Variants in MEI4 observed in about 807,000 individuals in gnomAD.
MEI4 encodes the protein meiosis-specific protein MEI4.
Under a neutral mutation model 31.4 loss-of-function variants are expected in MEI4, and 27 were observed. The ratio of observed to expected loss-of-function variants is 0.86; its 90% CI spans 0.63 to 1.19. MEI4 has a LOEUF of 1.19. Among genes scored for constraint, MEI4 ranks in the 50% most tolerant of loss-of-function variants. The pLI is 0.00. For synonymous variants in MEI4, 122 were observed against 145.4 expected (o/e 0.84, Z 1.16); for missense variants, 329 against 398.9 (o/e 0.82, Z 1.49).
chr6:77,838,845 G>A (rs1438097949), intron 4 of MEI4, among the ~76,000 whole-genome samples: 3 of 151,786 alleles, frequency 2.0e-5, no homozygotes, highest in Non-Finnish European at 4.4e-5. Flanking sequence ...AGAGGTTGCT[G>A]TGAACTGAGA....
intron 3 of MEI4, among the ~76,000 whole-genome samples, chr6:77,801,602 C>T (rs551706685): frequency 6.6e-5 from 10 of 152,212 alleles, no homozygotes; most frequent in South Asian, 2.1e-4. Context: ...TTAGATCTTT[C>T]CTGCTTTCTC....
chr6:77,911,406 A>G (rs1766431507), intron 4 of MEI4, among the ~76,000 whole-genome samples: 1 of 151,884 alleles, frequency 6.6e-6, no homozygotes, highest in Admixed American at 6.6e-5. Flanking sequence ...CTTTTCACTG[A>G]GGTAGTGAGC....
chr6:77,919,953 A>G (rs1444498848), intron 4 of MEI4, among the ~76,000 whole-genome samples: 1 of 148,172 alleles, frequency 6.7e-6, no homozygotes, highest in Non-Finnish European at 1.5e-5. Context: ...AACCAGGAAG[A>G]AGTTGAATCT....
chr6:77,811,561 A>G (rs1327452727), intron 3 of MEI4, among the ~76,000 whole-genome samples: 1 of 152,052 alleles, frequency 6.6e-6, no homozygotes, highest in Non-Finnish European at 1.5e-5. Flanking sequence ...ATGGATCACA[A>G]GGTCAAGAGA....
intron 4 of MEI4, among the ~76,000 whole-genome samples, chr6:77,874,696 G>A (rs1236375943): frequency 4.6e-5 from 7 of 152,058 alleles, no homozygotes; most frequent in Non-Finnish European, 5.9e-5. Context: ...TTTTCAAAGG[G>A]AATGCTTCCA....
intron 2 of MEI4, among the ~76,000 whole-genome samples, chr6:77,737,742 A>C (rs946547616): frequency 1.3e-5 from 2 of 152,172 alleles, no homozygotes; most frequent in Non-Finnish European, 2.9e-5. Flanking sequence ...CAAGGAAAGA[A>C]GGGAGAGATA....
intron 2 of MEI4, among the ~76,000 whole-genome samples, chr6:77,695,565 G>T (rs1766008863): frequency 6.6e-6 from 1 of 152,196 alleles, no homozygotes; most frequent in Admixed American, 6.5e-5. Context: ...TCAAAGATCA[G>T]ATAGTTGTAG....
At chr6:77,822,612 ACC>A (rs80176320) in intron 3 of MEI4, among the ~76,000 whole-genome samples, 105,990 of 138,666 alleles carry the variant, frequency 0.76, 40,948 homozygotes, top group East Asian at 0.93. Context: ...GCATTTGGAT[ACC>A]CCCCCCCCCT....
At chr6:77,689,647 G>C (rs1489998466) in intron 1 of MEI4, among the ~76,000 whole-genome samples, 1 of 152,050 alleles carries the variant, frequency 6.6e-6, no homozygotes, top group Non-Finnish European at 1.5e-5. Context: ...GCAGAGATGT[G>C]TACAGGAGTA....
intron 4 of MEI4, among the ~76,000 whole-genome samples, chr6:77,883,296 TTGTG>T (rs1247588668): frequency 6.6e-6 from 1 of 152,144 alleles, no homozygotes; most frequent in Non-Finnish European, 1.5e-5. Context: ...TATCATTTCT[TTGTG>T]TGGGGAACAT....
intron 3 of MEI4, among the ~76,000 whole-genome samples, chr6:77,824,042 A>T (rs1441393794): frequency 2.0e-5 from 3 of 152,162 alleles, no homozygotes; most frequent in Non-Finnish European, 4.4e-5. Context: ...GCCTTAAGAG[A>T]AATTCAGATA....
chr6:77,859,453 T>C (rs1169041620), intron 4 of MEI4, among the ~76,000 whole-genome samples: 1 of 152,126 alleles, frequency 6.6e-6, no homozygotes, highest in African/African-American at 2.4e-5. Flanking sequence ...CTGTCTACTA[T>C]GATGGTTGAA....
chr6:77,796,635 A>C (rs2127698265), intron 3 of MEI4, among the ~76,000 whole-genome samples: 1 of 152,342 alleles, frequency 6.6e-6, no homozygotes, highest in African/African-American at 2.4e-5. Flanking sequence ...AATAGGAATA[A>C]GTTTAACCAA....
chr6:77,674,095 A>G (rs1208061676), intron 1 of MEI4, among the ~76,000 whole-genome samples: 2 of 152,224 alleles, frequency 1.3e-5, no homozygotes, highest in Non-Finnish European at 2.9e-5. Flanking sequence ...AAGGTAGAGC[A>G]ATGCTTTAAA....
intron 4 of MEI4, among the ~76,000 whole-genome samples, chr6:77,845,597 C>G (rs373922237): frequency 1.8e-4 from 28 of 152,058 alleles, no homozygotes; most frequent in African/African-American, 6.8e-4. Flanking sequence ...CTAACTTTTT[C>G]TTTTTATTTG....
chr6:77,691,836 C>T (rs903465812), intron 2 of MEI4, among the ~76,000 whole-genome samples: 1 of 151,842 alleles, frequency 6.6e-6, no homozygotes, highest in African/African-American at 2.4e-5. Context: ...GTGTGGTTAC[C>T]CTATTAATCA....
intron 4 of MEI4, among the ~76,000 whole-genome samples, chr6:77,846,166 G>A (rs889199598): frequency 6.6e-5 from 10 of 151,914 alleles, no homozygotes; most frequent in Admixed American, 3.3e-4. Context: ...AGGCTGGAGT[G>A]CAGTGGTGCA....
At chr6:77,756,651 C>G (rs1031248057) in intron 2 of MEI4, among the ~76,000 whole-genome samples, 1 of 151,292 alleles carries the variant, frequency 6.6e-6, no homozygotes, top group African/African-American at 2.4e-5. Context: ...TTCTCTCCCT[C>G]TTTGTATTCC....
chr6:77,883,622 C>T (rs1771538985), intron 4 of MEI4, among the ~76,000 whole-genome samples: 2 of 149,970 alleles, frequency 1.3e-5, no homozygotes, highest in Non-Finnish European at 3.0e-5. Flanking sequence ...CACTTTGCTG[C>T]AAATGACAGG....
Sources: allele counts gnomAD v4.1 joint callset (sites outside exome capture counted in the v4.1 genomes callset), GRCh38; gene constraint gnomAD v4.1.1; transcripts MANE v1.5; gene names NCBI Gene and HGNC (gene_info 2026-07-23, HGNC 2026-07-21).